The following USH2A variants were observed in gnomAD, a reference collection of about 807,000 sequenced individuals.
The protein encoded by USH2A is usherin, also known as Usher syndrome 2A (autosomal recessive, mild).
A neutral mutation model predicts 538.9 loss-of-function variants in USH2A; 443 were observed. The ratio of observed to expected loss-of-function variants is 0.82; its 90% CI spans 0.76 to 0.89. USH2A has a LOEUF of 0.89. Ranked by LOEUF, USH2A falls within the 40% of genes least tolerant of loss-of-function variation. The pLI is 0.00. For synonymous variants in USH2A, 2,413 were observed against 2,273.5 expected, an observed-to-expected ratio of 1.06 and a Z score of -1.75; for missense variants, 6,633 against 6,324.8, an observed-to-expected ratio of 1.05 and a Z score of -1.65.
At chr1:215,886,001 T>C (rs1665044467) in intron 41 of USH2A, among the ~76,000 whole-genome samples, 1 of 152,230 alleles carries the variant, frequency 6.6e-6, no homozygotes, top group Non-Finnish European at 1.5e-5. Flanking sequence ...GCCATGAGCC[T>C]AGGGACTTCA....
In USH2A at chr1:215,680,390, A is replaced by T; in HGVS notation, c.12067-14T>A. The T allele has an allele frequency of 3.2e-6, 5 of 1,580,670 alleles. No individual in the cohort carries two copies. The highest frequency in any genetic ancestry group is 4.3e-6 in the Non-Finnish European group (5 of 1,168,328). On this transcript the variant is annotated splice_polypyrimidine_tract_variant and intron_variant, in intron 61 of 71. Coordinates refer to ENST00000307340, the MANE Select transcript of USH2A (RefSeq NM_206933.4). ...ATGGCTTGTTCCCTGTAAGAAAATT[A>T]ACAGGTTAAGTTGTTGTTTTTTTTT...
chr1:216,227,325 C>A (rs2102512939), intron 14 of USH2A, among the ~76,000 whole-genome samples: 1 of 152,234 alleles, frequency 6.6e-6, no homozygotes, highest in Non-Finnish European at 1.5e-5. Context: ...TTTTTTAAAT[C>A]ATGTTTTCTT....
chr1:216,391,351 C>G (rs1435435805), intron 3 of USH2A, among the ~76,000 whole-genome samples: 1 of 152,118 alleles, frequency 6.6e-6, no homozygotes, highest in Non-Finnish European at 1.5e-5. Context: ...TTCATAGCAT[C>G]TTTTGAAATT....
chr1:216,205,257 T>C (rs930236213), intron 16 of USH2A, among the ~76,000 whole-genome samples: 14 of 152,232 alleles, frequency 9.2e-5, no homozygotes, highest in Non-Finnish European at 1.5e-5. Flanking sequence ...CTCCTCTCTT[T>C]CTCTGTCACA....
intron 32 of USH2A, among the ~76,000 whole-genome samples, chr1:216,024,431 G>C (rs901757077): frequency 6.6e-6 from 1 of 151,994 alleles, no homozygotes; most frequent in African/African-American, 2.4e-5. Context: ...GAATTAACAA[G>C]TTTAAATCAT....
intron 30 of USH2A, among the ~76,000 whole-genome samples, chr1:216,062,522 T>C (rs995904785): frequency 6.6e-6 from 1 of 152,212 alleles, no homozygotes; most frequent in Admixed American, 6.5e-5. Context: ...TATGAATTCA[T>C]TGAACACTCA....
At chr1:216,416,955 G>A (rs1334730087) in intron 3 of USH2A, among the ~76,000 whole-genome samples, 1 of 152,084 alleles carries the variant, frequency 6.6e-6, no homozygotes, top group Non-Finnish European at 1.5e-5. Flanking sequence ...CTGTAGGACT[G>A]GTCAGTGGGC....
At chr1:216,369,421 C>T (rs1480978646) in intron 3 of USH2A, among the ~76,000 whole-genome samples, 1 of 152,154 alleles carries the variant, frequency 6.6e-6, no homozygotes, top group East Asian at 1.9e-4. Flanking sequence ...CAACAGCCGA[C>T]CTCCAATCTA....
chr1:216,084,999 G>A (rs1234312142), intron 24 of USH2A, 122 bp from the exon 25 acceptor site: 2 of 878,800 alleles, frequency 2.3e-6, no homozygotes, highest in Non-Finnish European at 3.6e-6. Context: ...TTTACTGCAA[G>A]CCTCTTAATG....
At chr1:215,791,513 C>T (rs1224359476) in intron 50 of USH2A, among the ~76,000 whole-genome samples, 2 of 152,100 alleles carry the variant, frequency 1.3e-5, no homozygotes, top group South Asian at 4.1e-4. Context: ...TCCAAAGAAC[C>T]CTCTCATTCA....
chr1:216,324,407 T>A, intron 6 of USH2A, 55 bp from the exon 7 acceptor site: 1 of 1,446,404 alleles, frequency 6.9e-7, no homozygotes, highest in Non-Finnish European at 9.5e-7. Flanking sequence ...ACCATCAGTA[T>A]ATATCAAACC....
chr1:215,838,036 G>T lies in USH2A; in HGVS notation c.9326C>A (p.Thr3109Asn). ...NGTQITTVED[T>N]PSDIPTPTIR... ...TGTGGGTGTTGGTATATCACTTGGA[G>T]TGTCTTCCACAGTGGTAATTTGGGT... is the stretch of plus-strand genomic sequence containing the variant. Residue 3109 changes from threonine (T) to asparagine (N), a missense_variant, in exon 47 of 72, where the codon ACT becomes AAT. Transcript: ENST00000307340. 3 of 1,614,036 alleles carry T rather than the reference G, an allele frequency of 1.9e-6. No individual in the cohort carries two copies. The highest frequency in any genetic ancestry group is 2.5e-6 in the Non-Finnish European group (3 of 1,179,942).
chr1:216,324,796 T>A (rs931370370), intron 6 of USH2A, among the ~76,000 whole-genome samples: 7 of 152,182 alleles, frequency 4.6e-5, no homozygotes, highest in Admixed American at 6.5e-5. Context: ...TATAATACAC[T>A]ACTTTATTGA....
At chr1:215,874,515 A>G (rs909606393) in intron 43 of USH2A, among the ~76,000 whole-genome samples, 1 of 152,220 alleles carries the variant, frequency 6.6e-6, no homozygotes, top group Non-Finnish European at 1.5e-5. Flanking sequence ...GAATGATCTG[A>G]AGTTCCAAAT....
At chr1:215,806,937 G>A (rs925391494) in intron 49 of USH2A, among the ~76,000 whole-genome samples, 6 of 151,780 alleles carry the variant, frequency 4.0e-5, no homozygotes, top group East Asian at 3.9e-4. Flanking sequence ...AAGAGTTTAC[G>A]ACAATGCTTT....
intron 40 of USH2A, among the ~76,000 whole-genome samples, chr1:215,891,564 G>T (rs1304543893): frequency 6.6e-6 from 1 of 152,086 alleles, no homozygotes; most frequent in African/African-American, 2.4e-5. Context: ...ACAATAAAAA[G>T]CTCTGAACAT....
At chr1:216,230,817 GA>G (rs2035661491) in intron 14 of USH2A, among the ~76,000 whole-genome samples, 2 of 151,848 alleles carry the variant, frequency 1.3e-5, no homozygotes, top group African/African-American at 4.8e-5. Context: ...GCTTCTCAGG[GA>G]TAGGAGCTTC....
intron 71 of USH2A, among the ~76,000 whole-genome samples, chr1:215,627,284 G>A (rs946880593): frequency 6.6e-6 from 1 of 151,980 alleles, no homozygotes; most frequent in Non-Finnish European, 1.5e-5. Context: ...AAGAAGTGGA[G>A]GTGAATAATT....
At chr1:215,669,488 A>AT (rs1657742566) in intron 64 of USH2A, among the ~76,000 whole-genome samples, 1 of 152,222 alleles carries the variant, frequency 6.6e-6, no homozygotes, top group South Asian at 2.1e-4. Context: ...GATAAAATGT[A>AT]TATACTGTAT....
Sources: allele counts gnomAD v4.1 joint callset (sites outside exome capture counted in the v4.1 genomes callset), GRCh38; gene constraint gnomAD v4.1.1; transcripts MANE v1.5; gene names NCBI Gene and HGNC (gene_info 2026-07-23, HGNC 2026-07-21).